The following TTC21A variants were observed in gnomAD, a reference collection of about 807,000 sequenced individuals.
TTC21A encodes the protein tetratricopeptide repeat domain 21A.
TTC21A carries 128 observed loss-of-function variants against 156.4 expected under a neutral mutation model. That is an observed-to-expected ratio of 0.82 (90% CI 0.71 to 0.95). TTC21A has a LOEUF of 0.95. Among genes scored for constraint, TTC21A ranks in the 40% least tolerant of loss-of-function variants. TTC21A has a pLI of 0.00. For synonymous variants in TTC21A, 587 were observed against 617.1 expected, an observed-to-expected ratio of 0.95 and a Z score of 0.72; for missense variants, 1,435 against 1,602.3, an observed-to-expected ratio of 0.90 and a Z score of 1.78.
chr3:39,132,861 C>G, intron 19 of TTC21A, 191 bp from the exon 20 acceptor site: 2 of 616,434 alleles, frequency 3.2e-6, no homozygotes, highest in East Asian at 5.5e-5. Context: ...CTCCTGCCCC[C>G]AGAGGCAGTG....
In TTC21A at chr3:39,135,103, A is replaced by G. The variant is rs762749209; in HGVS notation, c.2873A>G (p.Asp958Gly). Reference sequence around the variant, plus strand: ...TGTGTTTTCTGATAGTTGATGGCTGACCTGATGTTTAGAAAACAGAAACAT... The same window carrying G: ...TGTGTTTTCTGATAGTTGATGGCTGGCCTGATGTTTAGAAAACAGAAACAT... ...NHETASVLMA[D>G]LMFRKQKHEA... The change falls in exon 22 of 29, where the codon GAC becomes GGC. Residue 958 changes from aspartate (D) to glycine (G), a missense_variant. Asp to Gly is a moderately conservative substitution (Grantham distance 94). Coordinates refer to ENST00000683103, the MANE Select transcript of TTC21A (RefSeq NM_001366900.1). The G allele has an allele frequency of 1.2e-6, 2 of 1,613,040 alleles. No homozygotes were observed. Among genetic ancestry groups the G allele is most frequent in the Non-Finnish European group, 1.7e-6 (2 of 1,179,742 alleles).
At chr3:39,135,618 G>T (rs1323607859) in intron 22 of TTC21A, among the ~76,000 whole-genome samples, 1 of 152,236 alleles carries the variant, frequency 6.6e-6, no homozygotes, top group Non-Finnish European at 1.5e-5. Context: ...CATAGGCCCA[G>T]GAGGTCACCA....
At chr3:39,136,244 C>G in intron 22 of TTC21A, 113 bp from the exon 23 acceptor site, 3 of 1,118,974 alleles carry the variant, frequency 2.7e-6, no homozygotes, top group Non-Finnish European at 3.8e-6. Flanking sequence ...GTTGGAATGT[C>G]CCTGCTCAGC....
intron 10 of TTC21A, 28 bp from the exon 11 acceptor site, chr3:39,125,304 C>T: frequency 6.2e-7 from 1 of 1,608,116 alleles, no homozygotes; most frequent in Non-Finnish European, 8.5e-7. Flanking sequence ...CTGACATTGG[C>T]ACTGAGACTC....
chr3:39,111,719 A>G (rs899630234), intron 4 of TTC21A, among the ~76,000 whole-genome samples: 3 of 152,216 alleles, frequency 2.0e-5, no homozygotes, highest in African/African-American at 4.8e-5. Flanking sequence ...CAGATACGGT[A>G]TATCTGAGGC....
In TTC21A at chr3:39,134,320, G is replaced by C. The variant is rs549379498; in HGVS notation, c.2854G>C (p.Ala952Pro). Residue 952 changes from alanine (A) to proline (P), a missense_variant, in exon 21 of 29, where the codon GCT becomes CCT. By Grantham distance (27) the Ala-to-Pro change is conservative. Transcript: ENST00000683103. The surrounding 1 kb of genome is among the most constrained non-coding windows in gnomAD (Gnocchi z 4.6). The part of the protein sequence containing the change: ...LLQTEQNHET[A>P]SVLMADLMFR... ...GCAGACTGAGCAGAACCATGAGACC[G>C]CTTCTGTGGTAGGAAGCCCCCAGCA... 1 of 1,612,218 alleles carries C rather than the reference G, an allele frequency of 6.2e-7. No homozygotes were observed. The highest frequency in any genetic ancestry group is 8.5e-7 in the Non-Finnish European group (1 of 1,178,312).
intron 23 of TTC21A, 180 bp downstream of exon 23, chr3:39,136,687 G>C: frequency 1.0e-6 from 1 of 976,616 alleles, no homozygotes. Context: ...AGAGCCTGCA[G>C]CCTCTGGATG....
Position 39,125,332 on chromosome 3 carries a change from G to A in TTC21A, c.1192G>A (p.Val398Met), listed in dbSNP as rs2038132831. 2.5e-6 allele frequency: 4 copies of A among 1,613,652 alleles called. No homozygotes were observed. The highest frequency in any genetic ancestry group is 2.5e-6 in the Non-Finnish European group (3 of 1,179,950). ...TGAGACTCGGTCCTCTCTTCCACAG[G>A]TGCTAATTTTCCTCCAAGCCCTCCT... ...EVQKSLGKSE[V>M]LIFLQALLMS... The change falls in exon 11 of 29, where the codon GTG becomes ATG. Residue 398 changes from valine to methionine, a missense_variant and splice_region_variant. Physicochemically the swap from Val to Met is conservative, Grantham distance 21. Coordinates refer to ENST00000683103, the MANE Select transcript of TTC21A (RefSeq NM_001366900.1).
chr3:39,130,146 C>A lies in TTC21A; in HGVS notation c.2203C>A (p.Leu735Met), dbSNP rs905746468. 1 of 1,613,918 alleles carries A rather than the reference C, an allele frequency of 6.2e-7. No homozygotes were observed. The highest frequency in any genetic ancestry group is 1.1e-5 in the South Asian group (1 of 90,970). The stretch of plus-strand genomic sequence containing the variant: ...ACTGGGCGATGCCTTAATGAGCATT[C>A]TGGAGGTAAGTGAGAGGCCTCACAG... Reference protein sequence around the residue: ...LLLGDALMSILEPEKALEVYD... With the variant: ...LLLGDALMSIMEPEKALEVYD... Residue 735 changes from leucine (L) to methionine (M), a missense_variant, in exon 16 of 29, where the codon CTG (leucine) becomes ATG (methionine). Physicochemically the swap from Leu to Met is conservative, Grantham distance 15. Coordinates refer to ENST00000683103, the MANE Select transcript of TTC21A (RefSeq NM_001366900.1). The surrounding 1 kb of genome is among the most constrained non-coding windows in gnomAD (Gnocchi z 4.5).
chr3:39,128,390 G>A lies in TTC21A; in HGVS notation c.1582G>A (p.Val528Met), dbSNP rs372852047. ...QRCLELDPAS[V>M]DAHLLMCQIY... is the part of the protein sequence containing the mutation. The stretch of plus-strand genomic sequence containing the variant: ...TTGCCTGGAGCTGGACCCCGCCTCC[G>A]TGGATGCCCATCTCCTCATGTGTCA... The change falls in exon 13 of 29, where the codon GTG (valine) becomes ATG (methionine). Residue 528 changes from valine to methionine, a missense_variant. Physicochemically the swap from Val to Met is conservative, Grantham distance 21 (BLOSUM62 1). Transcript: ENST00000683103. 1.8e-5 allele frequency: 29 copies of A among 1,614,060 alleles called. No homozygotes were observed. The highest frequency in any genetic ancestry group is 4.0e-5 in the African/African-American group (3 of 74,920).
rs544532319 is a variant in TTC21A, at chr3:39,110,535, A to G, written c.269-316A>G. Among the ~76,000 whole-genome samples the G allele has an allele frequency of 9.0e-5, 10 of 110,686 alleles. 1 individual carries two copies. The South Asian group carries it at 2.4e-3, about 27-fold the overall frequency. 72.6% of individuals were successfully genotyped at this position (110,686 alleles called of 152,430 possible). A position where few individuals can be genotyped will look rare whatever the true frequency, so the allele number is the denominator to read the frequency against. On this transcript the variant is annotated intron_variant, in intron 3 of 28. Transcript: ENST00000683103. ...ACTACAGACTACTATTTCCCTACTC[A>G]CAATAAGTTGTGGGCCTGAGGCTAA...
At chr3:39,108,205 T>TCCCTATACTCATCCTA in intron 1 of TTC21A, 1 of 516,862 alleles carries the variant, frequency 1.9e-6, no homozygotes, top group Non-Finnish European at 3.4e-6. Flanking sequence ...CTCCTAGCCT[T>TCCCTATACTCATCCTA]AACTCATACC....
Position 39,112,650 on chromosome 3 carries a change from A to T in TTC21A, c.558+70A>T, listed in dbSNP as rs541954186. On this transcript the variant is annotated intron_variant, in intron 5 of 28. Coordinates refer to ENST00000683103, the MANE Select transcript of TTC21A (RefSeq NM_001366900.1). ...CACTGGAACCAGAGACCCACCAGGT[A>T]CCCCCAGGCCAAACCCTCGTAGTCT... The T allele has an allele frequency of 6.2e-5, 98 of 1,585,218 alleles. No homozygotes were observed. The African/African-American group carries it at 1.2e-3, about 20-fold the overall frequency.
intron 7 of TTC21A, 167 bp from the exon 8 acceptor site, chr3:39,119,755 C>T (rs544068982): frequency 1.7e-6 from 1 of 582,790 alleles, no homozygotes; most frequent in African/African-American, 2.0e-5. Context: ...ATTCTGATGC[C>T]TGGACCACTC....
intron 4 of TTC21A, among the ~76,000 whole-genome samples, chr3:39,111,596 C>T (rs1206461681): frequency 6.6e-6 from 1 of 152,172 alleles, no homozygotes; most frequent in African/African-American, 2.4e-5. Flanking sequence ...CATGCCTTCT[C>T]AGCAGGGCTG....
In TTC21A at chr3:39,112,464, G is replaced by A. The variant is rs1173917917; in HGVS notation, c.442G>A (p.Val148Met). Reference protein sequence around the residue: ...KISRGFREAYVLRGWVDLTSD... With the variant: ...KISRGFREAYMLRGWVDLTSD... ...CATCTTGTTCTCATCCCAGGCCTAT[G>A]TGCTCAGAGGCTGGGTGGACCTGAC... The change falls in exon 5 of 29, where the codon GTG (valine) becomes ATG (methionine). Residue 148 changes from valine (V) to methionine (M), a missense_variant. Physicochemically the swap from Val to Met is conservative, Grantham distance 21. Coordinates refer to ENST00000683103, the MANE Select transcript of TTC21A (RefSeq NM_001366900.1). 6.2e-7 allele frequency: 1 copy of A among 1,614,038 alleles called. No individual in the cohort carries two copies. Among genetic ancestry groups the A allele is most frequent in the Non-Finnish European group, 8.5e-7 (1 of 1,180,040 alleles).
chr3:39,129,189 G>A lies in TTC21A; in HGVS notation c.2014G>A (p.Ala672Thr), dbSNP rs991199704. The change falls in exon 15 of 29, where the codon GCG becomes ACG. Residue 672 changes from alanine to threonine, a missense_variant. Coordinates refer to ENST00000683103, the MANE Select transcript of TTC21A (RefSeq NM_001366900.1). Reference protein sequence around the residue: ...LVLSKGNVDVALNMLRNILPK... With the variant: ...LVLSKGNVDVTLNMLRNILPK... The stretch of plus-strand genomic sequence containing the variant: ...CCTGAGCAAGGGCAATGTGGACGTG[G>A]CGCTGAACATGCTAAGGAACATCTT... The A allele has an allele frequency of 6.2e-7, 1 of 1,614,114 alleles. No individual in the cohort carries two copies. Among genetic ancestry groups the A allele is most frequent in the Non-Finnish European group, 8.5e-7 (1 of 1,180,044 alleles).
chr3:39,132,468 C>T (rs577122815), intron 19 of TTC21A, among the ~76,000 whole-genome samples: 2 of 152,314 alleles, frequency 1.3e-5, no homozygotes, highest in East Asian at 3.9e-4. Flanking sequence ...AGAGGGAGGG[C>T]CCACTCTCTG....
At chr3:39,108,801 T>C (rs2036515186) in intron 1 of TTC21A, among the ~76,000 whole-genome samples, 1 of 152,200 alleles carries the variant, frequency 6.6e-6, no homozygotes. Flanking sequence ...CCTTATTCCC[T>C]TCCTAAGACA....
Sources: allele counts gnomAD v4.1 joint callset (sites outside exome capture counted in the v4.1 genomes callset), GRCh38; gene constraint gnomAD v4.1.1; non-coding constraint Gnocchi (gnomAD v3.1); transcripts MANE v1.5; gene names NCBI Gene and HGNC (gene_info 2026-07-23, HGNC 2026-07-21).